Variants in OLFM3 observed in about 807,000 individuals in gnomAD.
OLFM3 encodes the protein noelin-3.
In OLFM3, 20 loss-of-function variants were observed where a neutral mutation model predicts 48.6. That is an observed-to-expected ratio of 0.41 (90% CI 0.29 to 0.60). The LOEUF (loss-of-function observed/expected upper bound fraction) is 0.60. Among genes scored for constraint, OLFM3 ranks in the 20% least tolerant of loss-of-function variants. The pLI, the probability that OLFM3 is intolerant of heterozygous loss-of-function variation, is 0.28. For missense variants in OLFM3, 437 were observed against 544.3 expected, an observed-to-expected ratio of 0.80 and a Z score of 1.96; for synonymous variants, 222 against 198.1, an observed-to-expected ratio of 1.12 and a Z score of -1.01.
rs1326132972 is a variant in OLFM3 at position 101,896,007 on chromosome 1, A to AATAAT, written c.70-58983_70-58982insATTAT. 4.2e-5 allele frequency among the ~76,000 whole-genome samples: 6 copies of AATAAT among 142,412 alleles called. 1 individual carries two copies. Among genetic ancestry groups the AATAAT allele is most frequent in the Admixed American group, 3.5e-4 (5 of 14,458 alleles). The allele number at this position is 142,412 out of a possible 152,430, so 93.4% of individuals were successfully genotyped here. On this transcript the variant is annotated intron_variant, in intron 1 of 5. Transcript: ENST00000370103. ...ATAATAATAATAATAATAATAATAA[A>AATAAT]AGTATGCATAGTATTTGCTTATATC...
chr1:101,911,545 ATACTC>A, intron 1 of OLFM3, among the ~76,000 whole-genome samples: 1 of 152,356 alleles, frequency 6.6e-6, no homozygotes, highest in Non-Finnish European at 1.5e-5. Context: ...TGAAATTAAC[ATACTC>A]TGGGTCTCTA....
At chr1:101,886,418 T>C (rs1327587807) in intron 1 of OLFM3, among the ~76,000 whole-genome samples, 3 of 151,922 alleles carry the variant, frequency 2.0e-5, no homozygotes. Context: ...GGCTGGTAGG[T>C]AGGTGGAGGG....
intron 1 of OLFM3, among the ~76,000 whole-genome samples, chr1:101,849,158 T>C (rs1046642067): frequency 9.9e-5 from 15 of 152,238 alleles, no homozygotes; most frequent in African/African-American, 3.1e-4. Flanking sequence ...GTTTAAATGA[T>C]ACACATTGAA....
intron 1 of OLFM3, among the ~76,000 whole-genome samples, chr1:101,863,432 T>C (rs1216289730): frequency 6.6e-6 from 1 of 152,254 alleles, no homozygotes; most frequent in Non-Finnish European, 1.5e-5. Flanking sequence ...CTTCAACTTG[T>C]ATGTTTTAGA....
intron 1 of OLFM3, among the ~76,000 whole-genome samples, chr1:101,876,790 C>T (rs2100984253): frequency 6.6e-6 from 1 of 151,902 alleles, no homozygotes; most frequent in African/African-American, 2.4e-5. Context: ...CATGGTTTTT[C>T]CAGGGTTTTA....
At chr1:101,829,001 A>G (rs1215936433) in intron 3 of OLFM3, among the ~76,000 whole-genome samples, 11 of 152,084 alleles carry the variant, frequency 7.2e-5, no homozygotes, top group Admixed American at 7.2e-4. Context: ...TGGTCTTTTT[A>G]AATCAAAATT....
chr1:101,890,443 A>T (rs1190852605), intron 1 of OLFM3, among the ~76,000 whole-genome samples: 2 of 151,916 alleles, frequency 1.3e-5, no homozygotes, highest in Non-Finnish European at 2.9e-5. Flanking sequence ...ACAAGGAGTG[A>T]TATTAGTTTC....
chr1:101,881,413 C>G (rs1450242273), intron 1 of OLFM3, among the ~76,000 whole-genome samples: 1 of 151,918 alleles, frequency 6.6e-6, no homozygotes, highest in East Asian at 1.9e-4. Flanking sequence ...CACTTGAACC[C>G]AAACCAGAGT....
At chr1:101,813,099 C>T in intron 4 of OLFM3, 3 of 1,290,164 alleles carry the variant, frequency 2.3e-6, no homozygotes, top group Non-Finnish European at 3.0e-6. Flanking sequence ...GCTTATGCTT[C>T]TCCTTTCTGT....
intron 1 of OLFM3, among the ~76,000 whole-genome samples, chr1:101,848,113 C>T (rs1320370775): frequency 2.0e-5 from 3 of 152,046 alleles, no homozygotes; most frequent in Non-Finnish European, 2.9e-5. Flanking sequence ...ATAAATTTTC[C>T]ACATCCAAAT....
At chr1:101,810,548 A>T (rs1286283544) in intron 4 of OLFM3, among the ~76,000 whole-genome samples, 1 of 152,014 alleles carries the variant, frequency 6.6e-6, no homozygotes, top group Non-Finnish European at 1.5e-5. Context: ...CTTTAATTTT[A>T]TAAAGCAAAA....
intron 1 of OLFM3, among the ~76,000 whole-genome samples, chr1:101,933,922 C>T (rs1483732134): frequency 6.6e-6 from 1 of 152,144 alleles, no homozygotes; most frequent in Non-Finnish European, 1.5e-5. Flanking sequence ...TGCTAAGGGA[C>T]TTCATTAACA....
chr1:101,842,054 G>GATGTT (rs1655746602), intron 1 of OLFM3, among the ~76,000 whole-genome samples: 1 of 152,130 alleles, frequency 6.6e-6, no homozygotes, highest in African/African-American at 2.4e-5. Context: ...GCCAAAAGAA[G>GATGTT]CTGTGTTCTG....
chr1:101,827,967 A>T (rs1654942327), intron 3 of OLFM3, among the ~76,000 whole-genome samples: 1 of 151,506 alleles, frequency 6.6e-6, no homozygotes, highest in South Asian at 2.1e-4. Context: ...GTGAGTTCTC[A>T]TGAGAGCTGA....
intron 4 of OLFM3, among the ~76,000 whole-genome samples, chr1:101,818,877 T>C (rs924686896): frequency 2.0e-5 from 3 of 152,182 alleles, no homozygotes; most frequent in Non-Finnish European, 2.9e-5. Flanking sequence ...TCAAATTTGC[T>C]CTTGACCATT....
chr1:101,949,849 A>G (rs367817965), intron 1 of OLFM3, among the ~76,000 whole-genome samples: 5 of 146,578 alleles, frequency 3.4e-5, no homozygotes, highest in East Asian at 4.3e-4. Context: ...AGAATGGCGT[A>G]AACCCGGGAG....
chr1:101,918,869 T>G (rs1659007443), intron 1 of OLFM3, among the ~76,000 whole-genome samples: 1 of 152,176 alleles, frequency 6.6e-6, no homozygotes, highest in Admixed American at 6.5e-5. Flanking sequence ...CTATTCATAT[T>G]AAAACATTTA....
intron 1 of OLFM3, among the ~76,000 whole-genome samples, chr1:101,966,745 C>T (rs913485788): frequency 2.6e-4 from 30 of 113,772 alleles, no homozygotes; most frequent in African/African-American, 1.0e-3. Context: ...TACTGAGATC[C>T]TGGCTTGGCG....
At chr1:101,973,888 G>A (rs2184824) in intron 1 of OLFM3, among the ~76,000 whole-genome samples, 37,640 of 151,930 alleles carry the variant, frequency 0.25, 5,203 homozygotes, top group Middle Eastern at 0.36. Flanking sequence ...TTGATAAAAA[G>A]AGCAGAGGAA....
Sources: allele counts gnomAD v4.1 joint callset (sites outside exome capture counted in the v4.1 genomes callset), GRCh38; gene constraint gnomAD v4.1.1; transcripts MANE v1.5; gene names NCBI Gene and HGNC (gene_info 2026-07-23, HGNC 2026-07-21).